WNT9A: variants seen among roughly 807,000 people sequenced by gnomAD.
The protein encoded by WNT9A is Wnt family member 9A, also known as protein Wnt-9a.
Under a neutral mutation model 31.4 loss-of-function variants are expected in WNT9A, and 8 were observed. The ratio of observed to expected loss-of-function variants is 0.26; its 90% confidence interval spans 0.15 to 0.46. WNT9A has a LOEUF of 0.46. Ranked by LOEUF, WNT9A falls within the 20% of genes least tolerant of loss-of-function variation. The pLI is 0.99. For missense variants in WNT9A, 457 were observed against 522.9 expected (o/e 0.87, Z 1.23); for synonymous variants, 236 against 220.1 (o/e 1.07, Z -0.64).
Position 227,947,859 on chromosome 1 carries a change from C to T in WNT9A, c.29G>A (p.Trp10Ter). 1.8e-6 allele frequency: 2 copies of T among 1,085,992 alleles called. No individual in the cohort carries two copies. Among genetic ancestry groups the T allele is most frequent in the Non-Finnish European group, 2.2e-6 (2 of 895,554 alleles). The allele number at this position is 1,085,992 out of a possible 1,614,324, so 67.3% of individuals were successfully genotyped here. The part of the protein sequence containing the change: MLDGSPLAR[W>*]LAAAFGLTLL... ...CGTCAGCCCGAAGGCCGCGGCCAGC[C>T]AGCGCGCCAGCGGGGACCCATCCAG... The change falls in exon 1 of 4, where the codon TGG (tryptophan) becomes TAG (stop). Residue 10 changes from tryptophan (W) to a stop codon, truncating the protein, a stop_gained. Transcript: ENST00000272164. LOFTEE classifies it high-confidence loss of function.
chr1:227,944,034 T>G (rs999969419), intron 1 of WNT9A, among the ~76,000 whole-genome samples: 8 of 152,076 alleles, frequency 5.3e-5, no homozygotes, highest in African/African-American at 1.7e-4. Context: ...TCCACTTCTA[T>G]GTACCCCAAG....
At chr1:227,933,431 A>G (rs1194614248) in intron 1 of WNT9A, among the ~76,000 whole-genome samples, 2 of 152,242 alleles carry the variant, frequency 1.3e-5, no homozygotes, top group Non-Finnish European at 2.9e-5. Flanking sequence ...CCATGTCAGC[A>G]ATAAGACTGT....
At position 227,925,128 on chromosome 1, in the gene WNT9A, A is replaced by G; in HGVS notation, c.352+135T>C. 1 of 1,336,934 alleles carries G rather than the reference A, an allele frequency of 7.5e-7. No individual in the cohort carries two copies. Among genetic ancestry groups the G allele is most frequent in the Admixed American group, 3.1e-5 (1 of 32,000 alleles). 82.8% of individuals were successfully genotyped at this position (1,336,934 alleles called of 1,614,324 possible). Reference sequence around the variant, plus strand: ...CCCGGGGCTGCCCTTTCCAGGGCCTAGGCCCAGGAGCTCTGGGCAGGCTGG... The same window carrying G: ...CCCGGGGCTGCCCTTTCCAGGGCCTGGGCCCAGGAGCTCTGGGCAGGCTGG... On this transcript the variant is annotated intron_variant, in intron 2 of 3. Transcript: ENST00000272164. This position sits in a 1 kb window ranked among gnomAD's most constrained non-coding sequence, Gnocchi z 6.0.
chr1:227,923,603 G>A (rs1006539968), intron 3 of WNT9A, among the ~76,000 whole-genome samples: 3 of 152,164 alleles, frequency 2.0e-5, no homozygotes, highest in Admixed American at 1.3e-4. Flanking sequence ...CAGAACAGAC[G>A]CCTGGCCACG....
rs1483998177 is a variant in WNT9A at position 227,921,076 on chromosome 1, C to A, written c.*442G>T. 1.1e-5 allele frequency: 2 copies of A among 180,122 alleles called. No homozygotes were observed. Among genetic ancestry groups the A allele is most frequent in the Non-Finnish European group, 2.3e-5 (2 of 85,604 alleles). 11.2% of individuals were successfully genotyped at this position (180,122 alleles called of 1,614,324 possible). On this transcript the variant is annotated 3_prime_UTR_variant, in exon 4 of 4. Transcript: ENST00000272164. ...ACCCTGCACAGCAGGGTTGGCCAGG[C>A]CCGGGGACTCGTCCCTTGCAGGTGT...
intron 1 of WNT9A, among the ~76,000 whole-genome samples, chr1:227,937,736 C>A (rs1317271993): frequency 6.6e-6 from 1 of 152,236 alleles, no homozygotes; most frequent in South Asian, 2.1e-4. Flanking sequence ...CATGGCCCTG[C>A]GGACGCCGTG....
At chr1:227,922,834 A>G (rs1666346360) in intron 3 of WNT9A, among the ~76,000 whole-genome samples, 1 of 152,156 alleles carries the variant, frequency 6.6e-6, no homozygotes, top group African/African-American at 2.4e-5. Context: ...CTCTGCTCCC[A>G]CGCCAGCAGC....
At position 227,924,363 on chromosome 1, in the gene WNT9A, CGAG is replaced by C. The variant is rs1558259033; in HGVS notation, c.387_389del (p.Ser130del). 6.2e-7 allele frequency: 1 copy of C among 1,613,242 alleles called. No individual in the cohort carries two copies. Among genetic ancestry groups the C allele is most frequent in the East Asian group, 2.2e-5 (1 of 44,852 alleles). ...TGGCCAGTGCGTGCGTCAGGCCAGC[CGAG>C]GAGATGGCATAGAGGAAGGCAGTCT... On this transcript the variant is annotated inframe_deletion, in exon 3 of 4. Coordinates refer to ENST00000272164, the MANE Select transcript of WNT9A (RefSeq NM_003395.4).
rs753474756 is a variant in WNT9A at position 227,928,128 on chromosome 1, A to G, written c.96-2609T>C. Among the ~76,000 whole-genome samples the G allele has an allele frequency of 5.4e-4, 82 of 151,990 alleles. No homozygotes were observed. Among genetic ancestry groups the G allele is most frequent in the Non-Finnish European group, 1.1e-3 (77 of 67,988 alleles). On this transcript the variant is annotated intron_variant, in intron 1 of 3. Transcript: ENST00000272164. This position sits in a 1 kb window ranked among gnomAD's most constrained non-coding sequence, Gnocchi z 4.5. ...GTGTGAGGCCCGAGCACGCCGGGGC[A>G]CTGAGAGCTGGTTTGACGGTGACTA...
At chr1:227,934,265 G>GT (rs575381603) in intron 1 of WNT9A, among the ~76,000 whole-genome samples, 207 of 152,302 alleles carry the variant, frequency 1.4e-3, no homozygotes, top group Non-Finnish European at 2.4e-3. Flanking sequence ...GAAATCAGAT[G>GT]TTTTCCAATG....
intron 3 of WNT9A, among the ~76,000 whole-genome samples, chr1:227,922,614 A>C (rs1008016114): frequency 1.3e-5 from 2 of 152,090 alleles, no homozygotes; most frequent in Non-Finnish European, 2.9e-5. Context: ...GGGAAGAGAG[A>C]GCTCCTTATA....
intron 1 of WNT9A, among the ~76,000 whole-genome samples, chr1:227,943,150 C>T (rs1027677868): frequency 2.6e-5 from 4 of 152,222 alleles, no homozygotes; most frequent in African/African-American, 9.6e-5. Flanking sequence ...CCCCTCCCCA[C>T]GCCCATGACA....
chr1:227,920,553 C>T lies in WNT9A; in HGVS notation c.*965G>A, dbSNP rs1001259848. 4 of 152,162 alleles carry T rather than the reference C, an allele frequency of 2.6e-5. No individual in the cohort carries two copies. The highest frequency in any genetic ancestry group is 7.2e-5 in the African/African-American group (3 of 41,420). 9.4% of individuals were successfully genotyped at this position (152,162 alleles called of 1,614,324 possible). A position where few individuals can be genotyped will look rare whatever the true frequency, so the allele number is the denominator to read the frequency against. On this transcript the variant is annotated 3_prime_UTR_variant, in exon 4 of 4. Transcript: ENST00000272164. ...CAGTGTCCCCCCGAGCCTGGGCACCCGCACGGCCGGGCCCTGGGAGTGCAG... is the reference window on the plus strand; with the variant it reads ...CAGTGTCCCCCCGAGCCTGGGCACCTGCACGGCCGGGCCCTGGGAGTGCAG...
rs557386865 is a variant in WNT9A, at chr1:227,927,383, G to A, written c.96-1864C>T. ...TGGGCCCCATGGGGAGGACAGGAGG[G>A]ACCAGCCAGTCCTCTGAGCCTGGAC... On this transcript the variant is annotated intron_variant, in intron 1 of 3. Coordinates refer to ENST00000272164, the MANE Select transcript of WNT9A (RefSeq NM_003395.4). 2.6e-5 allele frequency among the ~76,000 whole-genome samples: 4 copies of A among 152,334 alleles called. No homozygotes were observed. The East Asian group carries it at 7.7e-4, about 29-fold the overall frequency.
intron 1 of WNT9A, among the ~76,000 whole-genome samples, chr1:227,932,852 T>A (rs1028717147): frequency 1.3e-5 from 2 of 152,246 alleles, no homozygotes; most frequent in African/African-American, 2.4e-5. Flanking sequence ...AAATATTTAG[T>A]AAACCAGGCT....
intron 1 of WNT9A, among the ~76,000 whole-genome samples, 187 bp downstream of exon 1, chr1:227,947,606 C>T (rs1216526521): frequency 6.6e-6 from 1 of 151,940 alleles, no homozygotes; most frequent in African/African-American, 2.4e-5. Flanking sequence ...GGTCCACCCG[C>T]CTCTCTAGCC....
rs147478091 is a variant in WNT9A at position 227,921,672 on chromosome 1, C to T, written c.944G>A (p.Arg315His). The part of the protein sequence containing the change: ...SPGTAGRRCH[R>H]EKNCESICCG... The stretch of plus-strand genomic sequence containing the variant: ...GCAGATGCTCTCGCAGTTCTTCTCA[C>T]GGTGGCACCTACGGCCAGCGGTGCC... Residue 315 changes from arginine to histidine, a missense_variant, in exon 4 of 4, where the codon CGT becomes CAT. Transcript: ENST00000272164. The T allele has an allele frequency of 8.7e-6, 14 of 1,613,166 alleles. No individual in the cohort carries two copies. Among genetic ancestry groups the T allele is most frequent in the South Asian group, 3.3e-5 (3 of 91,094 alleles).
At position 227,925,027 on chromosome 1, in the gene WNT9A, G is replaced by C. The variant is rs1666392275; in HGVS notation, c.352+236C>G. ...AGCCTGGGGCCCCGTCAAAGGCCGA[G>C]TCAGCATGCCCTGGCCACCAGCAAC... On this transcript the variant is annotated intron_variant, in intron 2 of 3. Transcript: ENST00000272164. The surrounding 1 kb of genome is among the most constrained non-coding windows in gnomAD (Gnocchi z 6.0). 6.6e-6 allele frequency among the ~76,000 whole-genome samples: 1 copy of C among 152,224 alleles called. No individual in the cohort carries two copies. Among genetic ancestry groups the C allele is most frequent in the Admixed American group, 6.5e-5 (1 of 15,292 alleles).
At position 227,921,076 on chromosome 1, in the gene WNT9A, C is replaced by T. The variant is rs1483998177; in HGVS notation, c.*442G>A. ...ACCCTGCACAGCAGGGTTGGCCAGG[C>T]CCGGGGACTCGTCCCTTGCAGGTGT... On this transcript the variant is annotated 3_prime_UTR_variant, in exon 4 of 4. Coordinates refer to ENST00000272164, the MANE Select transcript of WNT9A (RefSeq NM_003395.4). 1 of 180,240 alleles carries T rather than the reference C, an allele frequency of 5.5e-6. No homozygotes were observed. Among genetic ancestry groups the T allele is most frequent in the East Asian group, 1.5e-4 (1 of 6,764 alleles). 11.2% of individuals were successfully genotyped at this position (180,240 alleles called of 1,614,324 possible). A position where few individuals can be genotyped will look rare whatever the true frequency, so the allele number is the denominator to read the frequency against.
Sources: gnomAD v4.1 joint callset for allele counts (sites outside exome capture counted in the v4.1 genomes callset) on GRCh38, gnomAD v4.1.1 for gene constraint, Gnocchi (gnomAD v3.1) non-coding constraint, MANE v1.5 for transcripts, NCBI Gene and HGNC (gene_info 2026-07-23, HGNC 2026-07-21) for gene names.